Variants in GABRG2 observed in about 807,000 individuals in gnomAD.
The protein encoded by GABRG2 is gamma-aminobutyric acid type A receptor subunit gamma2, also known as gamma-aminobutyric acid receptor subunit gamma-2.
Under a neutral mutation model 56.4 loss-of-function variants are expected in GABRG2, and 16 were observed. The ratio of observed to expected loss-of-function variants is 0.28; its 90% confidence interval spans 0.19 to 0.43. GABRG2 has a LOEUF of 0.43. Among genes scored for constraint, GABRG2 ranks in the 20% least tolerant of loss-of-function variants. The pLI, the probability that GABRG2 is intolerant of heterozygous loss-of-function variation, is 1.00. For missense variants in GABRG2, 327 were observed against 582.7 expected (o/e 0.56, Z 4.52); for synonymous variants, 208 against 205.5 (o/e 1.01, Z -0.10).
chr5:162,109,664 G>A (rs1412242201), intron 6 of GABRG2, among the ~76,000 whole-genome samples: 2 of 151,916 alleles, frequency 1.3e-5, no homozygotes, highest in East Asian at 3.9e-4. Context: ...TGATACAACA[G>A]TATATCATTC....
At chr5:162,114,430 G>T (rs1263939840) in intron 6 of GABRG2, among the ~76,000 whole-genome samples, 1 of 152,044 alleles carries the variant, frequency 6.6e-6, no homozygotes, top group Non-Finnish European at 1.5e-5. Flanking sequence ...AAAAGATAAT[G>T]GGAGGCTGAG....
At position 162,153,224 on chromosome 5, in the gene GABRG2, T is replaced by C. The variant is rs141138508; in HGVS notation, c.1284T>C (p.Cys428=). The part of the protein sequence containing the change: ...DGKDCASFFC[C]FEDCRTGAWR... Reference sequence around the variant, plus strand: ...AGGACTGTGCCAGTTTTTTCTGCTGTTTTGAAGATTGTCGAACAGGAGCTT... The same window carrying C: ...AGGACTGTGCCAGTTTTTTCTGCTGCTTTGAAGATTGTCGAACAGGAGCTT... The change falls in exon 10 of 10, where the codon TGT becomes TGC. Residue 428 remains cysteine (C), a synonymous_variant. Coordinates refer to ENST00000639213, the MANE Select transcript of GABRG2 (RefSeq NM_198904.4). The C allele has an allele frequency of 2.5e-6, 4 of 1,613,966 alleles. No individual in the cohort carries two copies. In the African/African-American group the frequency reaches 5.3e-5, roughly 22 times the overall value.
intron 4 of GABRG2, chr5:162,099,464 A>G (rs1174128079): frequency 6.6e-6 from 1 of 152,038 alleles, no homozygotes; most frequent in Admixed American, 6.6e-5. Flanking sequence ...TTGTAGAGAT[A>G]GTCTTACTAT....
chr5:162,104,170 T>A, intron 6 of GABRG2, 144 bp downstream of exon 6: 1 of 773,602 alleles, frequency 1.3e-6, no homozygotes, highest in Non-Finnish European at 2.2e-6. Context: ...GAGAAAATTA[T>A]AATTGAAATT....
At chr5:162,089,206 G>T (rs1004816852) in intron 1 of GABRG2, among the ~76,000 whole-genome samples, 2 of 152,042 alleles carry the variant, frequency 1.3e-5, no homozygotes, top group African/African-American at 2.4e-5. Context: ...ACATGCAAAG[G>T]TTCTGGAGTT....
chr5:162,083,847 G>T (rs969023122), intron 1 of GABRG2, among the ~76,000 whole-genome samples: 2 of 151,722 alleles, frequency 1.3e-5, no homozygotes, highest in South Asian at 2.1e-4. Context: ...CAAGTTCAAC[G>T]TTTTTTGCCA....
chr5:162,091,897 T>C (rs1760625216), intron 1 of GABRG2, among the ~76,000 whole-genome samples: 1 of 152,226 alleles, frequency 6.6e-6, no homozygotes, highest in African/African-American at 2.4e-5. Context: ...AGGGTGCATG[T>C]GTCTTGAGAG....
intron 1 of GABRG2, among the ~76,000 whole-genome samples, chr5:162,083,144 A>AT (rs1458240209): frequency 2.6e-5 from 4 of 151,808 alleles, no homozygotes; most frequent in Non-Finnish European, 5.9e-5. Flanking sequence ...TATCTGAAAA[A>AT]TTTTGCTCCA....
At chr5:162,109,389 A>ATATATATATATATATATATATATAT (rs1554098562) in intron 6 of GABRG2, among the ~76,000 whole-genome samples, 3 of 116,266 alleles carry the variant, frequency 2.6e-5, no homozygotes, top group African/African-American at 1.2e-4. Context: ...CTTAAAGTAT[A>ATATATATATATATATATATATATAT]ATATATATAT....
At position 162,074,917 on chromosome 5, in the gene GABRG2, T is replaced by C. The variant is rs564262240; in HGVS notation, c.107+6811T>C. Among the ~76,000 whole-genome samples the C allele has an allele frequency of 2.6e-5, 4 of 152,108 alleles. No individual in the cohort carries two copies. In the East Asian group the frequency reaches 7.7e-4, roughly 29 times the overall value. On this transcript the variant is annotated intron_variant, in intron 1 of 9. Coordinates refer to ENST00000639213, the MANE Select transcript of GABRG2 (RefSeq NM_198904.4). The stretch of plus-strand genomic sequence containing the variant: ...AGATAAGAATTGGCCTCTTAGTCTT[T>C]TTATGGTGGACATTTAAGAGTGAAT...
chr5:162,111,616 T>C (rs1762258305), intron 6 of GABRG2, among the ~76,000 whole-genome samples: 1 of 152,188 alleles, frequency 6.6e-6, no homozygotes, highest in Admixed American at 6.5e-5. Flanking sequence ...CTTTCTAGCA[T>C]CTATGCAATA....
intron 6 of GABRG2, among the ~76,000 whole-genome samples, chr5:162,135,679 G>A (rs1490318971): frequency 1.3e-5 from 2 of 152,126 alleles, no homozygotes; most frequent in African/African-American, 4.8e-5. Flanking sequence ...TTCATGATGA[G>A]ATACATTAAT....
chr5:162,068,160 G>A, intron 1 of GABRG2, 54 bp downstream of exon 1: 8 of 1,247,254 alleles, frequency 6.4e-6, no homozygotes, highest in Non-Finnish European at 9.4e-6. Flanking sequence ...GGGGGAAGGT[G>A]TGGGGAGGGG....
intron 6 of GABRG2, among the ~76,000 whole-genome samples, chr5:162,135,253 C>T (rs1764040392): frequency 6.6e-6 from 1 of 151,952 alleles, no homozygotes; most frequent in African/African-American, 2.4e-5. Flanking sequence ...TTTAGGATTG[C>T]TAACAGCTCA....
chr5:162,097,763 C>T lies in GABRG2; in HGVS notation c.453C>T (p.Phe151=), dbSNP rs1283855507. The T allele has an allele frequency of 6.2e-7, 1 of 1,613,830 alleles. No individual in the cohort carries two copies. Among genetic ancestry groups the T allele is most frequent in the South Asian group, 1.1e-5 (1 of 91,072 alleles). Residue 151 remains phenylalanine, a synonymous_variant, in exon 4 of 10, where the codon TTC becomes TTT. Coordinates refer to ENST00000639213, the MANE Select transcript of GABRG2 (RefSeq NM_198904.4). ...MVGKIWIPDT[F]FRNSKKADAH... ...GGAAAATCTGGATTCCAGACACTTT[C>T]TTCAGAAATTCCAAAAAAGCTGATG...
At chr5:162,124,822 TAGA>T (rs1763215810) in intron 6 of GABRG2, among the ~76,000 whole-genome samples, 1 of 151,816 alleles carries the variant, frequency 6.6e-6, no homozygotes, top group Non-Finnish European at 1.5e-5. Flanking sequence ...AGCTAATAAA[TAGA>T]AGAATTGAAA....
At chr5:162,116,795 C>G (rs1762654719) in intron 6 of GABRG2, among the ~76,000 whole-genome samples, 1 of 150,628 alleles carries the variant, frequency 6.6e-6, no homozygotes, top group Admixed American at 6.6e-5. Context: ...AGGCAATACT[C>G]TGTGACATTT....
chr5:162,083,246 A>G (rs533585318), intron 1 of GABRG2, among the ~76,000 whole-genome samples: 1 of 151,724 alleles, frequency 6.6e-6, no homozygotes, highest in South Asian at 2.1e-4. Flanking sequence ...CATTCGATAC[A>G]TTTGAATATC....
intron 6 of GABRG2, among the ~76,000 whole-genome samples, chr5:162,118,171 A>C (rs927012440): frequency 9.9e-5 from 15 of 151,578 alleles, no homozygotes; most frequent in Admixed American, 7.3e-4. Context: ...GGAAAAAAAA[A>C]CCCAAACTAT....
Sources: gnomAD v4.1 joint callset for allele counts (sites outside exome capture counted in the v4.1 genomes callset) on GRCh38, gnomAD v4.1.1 for gene constraint, MANE v1.5 for transcripts, NCBI Gene and HGNC (gene_info 2026-07-23, HGNC 2026-07-21) for gene names.